The following FMN1 variants were observed in gnomAD, a reference collection of about 807,000 sequenced individuals.
FMN1 encodes the protein formin 1, also known as formin-1.
FMN1 carries 110 observed loss-of-function variants against 132.4 expected under a neutral mutation model. The observed-to-expected ratio is 0.83, with a 90% CI of 0.71 to 0.97. The LOEUF is 0.97. Ranked by LOEUF, FMN1 falls within the 50% of genes least tolerant of loss-of-function variation. The probability of loss-of-function intolerance (pLI) is 0.00; values close to 1 mark genes in which losing one functional copy is unlikely to be tolerated. For missense variants in FMN1, 1,792 were observed against 1,705.3 expected (o/e 1.05, Z -0.90); for synonymous variants, 722 against 651.7 (o/e 1.11, Z -1.64).
intron 6 of FMN1, among the ~76,000 whole-genome samples, chr15:33,014,073 C>T (rs1287563185): frequency 1.3e-5 from 2 of 152,156 alleles, no homozygotes; most frequent in African/African-American, 4.8e-5. Context: ...TGGCAGGAAA[C>T]ACACTCCCAT....
rs2031587819 is a variant in FMN1 at position 32,969,442 on chromosome 15, G to A, written c.2259C>T (p.Gly753=). The part of the protein sequence containing the change: ...QFELRAFHIR[G]EHAMITARLE... ...GTCTCGCTGTTATCATTGCATGCTCGCCCCGGATATGAAATGCCCGAAGTT... is the reference window on the plus strand; with the variant it reads ...GTCTCGCTGTTATCATTGCATGCTCACCCCGGATATGAAATGCCCGAAGTT... The change falls in exon 8 of 21, where the codon GGC becomes GGT. Residue 753 remains glycine (G), a synonymous_variant. Transcript: ENST00000616417. The A allele has an allele frequency of 2.5e-6, 4 of 1,613,828 alleles. No homozygotes were observed. The highest frequency in any genetic ancestry group is 1.6e-4 in the Middle Eastern group (1 of 6,062).
At chr15:33,136,764 G>A (rs185099670) in intron 4 of FMN1, among the ~76,000 whole-genome samples, 1 of 152,152 alleles carries the variant, frequency 6.6e-6, no homozygotes, top group South Asian at 2.1e-4. Flanking sequence ...GAATGAGGTA[G>A]AACATAACCA....
intron 4 of FMN1, among the ~76,000 whole-genome samples, chr15:33,101,451 G>A (rs1168179128): frequency 2.0e-5 from 3 of 149,254 alleles, no homozygotes; most frequent in Admixed American, 6.6e-5. Context: ...AACAATAGCT[G>A]ATGAGCTTAA....
intron 17 of FMN1, among the ~76,000 whole-genome samples, chr15:32,838,052 A>G (rs1292811390): frequency 6.6e-6 from 1 of 151,966 alleles, no homozygotes; most frequent in African/African-American, 2.4e-5. Context: ...GGGAGCAATG[A>G]AGGCAAGAGG....
chr15:33,013,032 G>A (rs2034820512), intron 6 of FMN1: 2 of 412,526 alleles, frequency 4.8e-6, no homozygotes, highest in African/African-American at 2.1e-5. Context: ...GAGGCTATAG[G>A]GGTAGCACTA....
At chr15:33,074,366 G>A (rs933506160) in intron 5 of FMN1, among the ~76,000 whole-genome samples, 13 of 152,150 alleles carry the variant, frequency 8.5e-5, no homozygotes, top group African/African-American at 2.7e-4. Context: ...ATGCTGTGGC[G>A]TTCCTCTGCC....
intron 17 of FMN1, among the ~76,000 whole-genome samples, chr15:32,830,596 A>AT (rs2058475980): frequency 1.3e-5 from 2 of 152,224 alleles, no homozygotes; most frequent in Admixed American, 1.3e-4. Flanking sequence ...AGAGGATACT[A>AT]TAAATAAAGT....
intron 4 of FMN1, among the ~76,000 whole-genome samples, chr15:33,117,792 A>C (rs1204684705): frequency 6.6e-6 from 1 of 152,208 alleles, no homozygotes; most frequent in Admixed American, 6.5e-5. Context: ...AGGAAGAACC[A>C]CTAGAGCAAA....
At position 32,866,244 on chromosome 15, in the gene FMN1, GA is replaced by G. The variant is rs1488807443; in HGVS notation, c.3836-9138del. On this transcript the variant is annotated intron_variant, in intron 16 of 20. Transcript: ENST00000616417. ...AAGTATAATAAAAAAAAAGAAAAAA[GA>G]AAAAAAATTTCCCCTTTGAACTACT... Among the ~76,000 whole-genome samples, 823 of 146,336 alleles carry G rather than the reference GA, an allele frequency of 5.6e-3. 9 individuals are homozygous for G. Among genetic ancestry groups the G allele is most frequent in the African/African-American group, 0.02 (772 of 39,372 alleles).
At chr15:33,066,540 G>T in intron 5 of FMN1, 1 of 1,575,488 alleles carries the variant, frequency 6.3e-7, no homozygotes, top group Admixed American at 2.0e-5. Flanking sequence ...CCATCCGCTG[G>T]CTTAGAATTG....
chr15:32,989,126 C>A (rs907251984), intron 7 of FMN1, among the ~76,000 whole-genome samples: 2 of 129,720 alleles, frequency 1.5e-5, no homozygotes, highest in Admixed American at 8.7e-5. Flanking sequence ...TGGTTTACAT[C>A]CAGTTTCCAC....
chr15:32,860,530 G>A (rs1422104921), intron 16 of FMN1: 1 of 152,194 alleles, frequency 6.6e-6, no homozygotes, highest in Non-Finnish European at 1.5e-5. Flanking sequence ...GTGTGCACCT[G>A]TGGTCCCAGG....
At chr15:33,193,635 G>C (rs950134368) in intron 2 of FMN1, among the ~76,000 whole-genome samples, 1 of 152,128 alleles carries the variant, frequency 6.6e-6, no homozygotes, top group Non-Finnish European at 1.5e-5. Flanking sequence ...TATATCACAG[G>C]TTCAGGCTCT....
intron 3 of FMN1, among the ~76,000 whole-genome samples, chr15:33,164,787 A>C (rs1965032121): frequency 6.6e-6 from 1 of 152,166 alleles, no homozygotes; most frequent in Non-Finnish European, 1.5e-5. Flanking sequence ...CCCCTGATTT[A>C]ATTTTTAATT....
intron 3 of FMN1, among the ~76,000 whole-genome samples, chr15:33,169,655 A>G (rs1965237565): frequency 5.3e-5 from 8 of 151,968 alleles, no homozygotes; most frequent in Admixed American, 3.3e-4. Flanking sequence ...CAAATATATA[A>G]TAAGTATAGC....
At chr15:32,941,820 A>T (rs1567435315) in intron 9 of FMN1, among the ~76,000 whole-genome samples, 2 of 151,350 alleles carry the variant, frequency 1.3e-5, no homozygotes, top group South Asian at 2.1e-4. Flanking sequence ...CAAGATCACC[A>T]TTTTTTTTTA....
At chr15:32,869,551 G>A (rs1222044650) in intron 16 of FMN1, among the ~76,000 whole-genome samples, 1 of 152,178 alleles carries the variant, frequency 6.6e-6, no homozygotes, top group East Asian at 1.9e-4. Context: ...TGGGACTCAT[G>A]GCTGGAGTAG....
chr15:33,021,127 A>G (rs2035395763), intron 6 of FMN1, among the ~76,000 whole-genome samples: 1 of 152,128 alleles, frequency 6.6e-6, no homozygotes, highest in South Asian at 2.1e-4. Context: ...GGTGGCTACA[A>G]CTCACTCAGC....
chr15:33,161,690 G>A (rs146597402), intron 3 of FMN1, among the ~76,000 whole-genome samples: 1,957 of 152,184 alleles, frequency 0.013, 43 homozygotes, highest in African/African-American at 0.045. Context: ...AGGCTGAGGC[G>A]GGCGGATCAC....
Sources: allele counts gnomAD v4.1 joint callset (sites outside exome capture counted in the v4.1 genomes callset), GRCh38; gene constraint gnomAD v4.1.1; transcripts MANE v1.5; gene names NCBI Gene and HGNC (gene_info 2026-07-23, HGNC 2026-07-21).